The following GABRG3 variants were observed in gnomAD, a reference collection of about 807,000 sequenced individuals.
GABRG3 encodes the protein gamma-aminobutyric acid receptor subunit gamma-3.
Under a neutral mutation model 48.8 loss-of-function variants are expected in GABRG3, and 25 were observed. The ratio of observed to expected loss-of-function variants is 0.51; its 90% CI spans 0.37 to 0.72. The LOEUF is 0.72. Among genes scored for constraint, GABRG3 ranks in the 30% least tolerant of loss-of-function variants. GABRG3 has a pLI of 0.00. For synonymous variants in GABRG3, 227 were observed against 217.6 expected (o/e 1.04, Z -0.38); for missense variants, 394 against 577.9 (o/e 0.68, Z 3.26).
chr15:27,308,026 C>T (rs1416642585), intron 3 of GABRG3, among the ~76,000 whole-genome samples: 5 of 135,456 alleles, frequency 3.7e-5, no homozygotes, highest in Admixed American at 2.3e-4. Flanking sequence ...ATAAAATAAA[C>T]ATGTTTATAT....
chr15:27,197,976 T>G (rs71465218), intron 3 of GABRG3, among the ~76,000 whole-genome samples: 1 of 152,214 alleles, frequency 6.6e-6, no homozygotes, highest in East Asian at 1.9e-4. Context: ...ATTTTTCTTG[T>G]GTCTGATTCT....
rs193288077 is a variant in GABRG3, at chr15:27,308,471, A to G, written c.271-18338A>G. On this transcript the variant is annotated intron_variant, in intron 3 of 9. Coordinates refer to ENST00000615808, the MANE Select transcript of GABRG3 (RefSeq NM_033223.5). ...CATATGCAAACATACATGTTTATAT[A>G]TAAACATATAATGTAAACATACATG... 2.0e-5 allele frequency among the ~76,000 whole-genome samples: 3 copies of G among 147,902 alleles called. No homozygotes were observed. In the East Asian group the frequency reaches 6.3e-4, roughly 31 times the overall value.
intron 3 of GABRG3, among the ~76,000 whole-genome samples, chr15:27,130,866 C>A (rs1897904296): frequency 6.6e-6 from 1 of 152,000 alleles, no homozygotes; most frequent in Non-Finnish European, 1.5e-5. Flanking sequence ...ACTTTGTATA[C>A]TGTCCTGTAA....
At chr15:27,049,506 G>A (rs925911096) in intron 3 of GABRG3, among the ~76,000 whole-genome samples, 1 of 152,130 alleles carries the variant, frequency 6.6e-6, no homozygotes, top group Non-Finnish European at 1.5e-5. Context: ...CCTGAGCTGA[G>A]GACCGACCAT....
intron 3 of GABRG3, among the ~76,000 whole-genome samples, chr15:27,107,510 GT>G (rs1446562360): frequency 6.6e-6 from 1 of 151,750 alleles, no homozygotes; most frequent in Non-Finnish European, 1.5e-5. Context: ...TTTTTGTAGT[GT>G]TTTTATTTAT....
intron 3 of GABRG3, among the ~76,000 whole-genome samples, chr15:27,142,647 T>C (rs976271305): frequency 6.6e-6 from 1 of 152,228 alleles, no homozygotes; most frequent in Non-Finnish European, 1.5e-5. Context: ...TGCATGACTT[T>C]TCCCCTTGGT....
rs1465467384 is a variant in GABRG3 at position 27,533,073 on chromosome 15, T to C, written c.*192T>C. The stretch of plus-strand genomic sequence containing the variant: ...TATGTATTTTACACACACACATACA[T>C]ACACACACACAGCTAATTGAGTTTT... On this transcript the variant is annotated 3_prime_UTR_variant, in exon 10 of 10. Transcript: ENST00000615808. The C allele has an allele frequency of 1.8e-5, 10 of 566,840 alleles. No homozygotes were observed. Among genetic ancestry groups the C allele is most frequent in the African/African-American group, 9.4e-5 (5 of 53,324 alleles). 35.1% of individuals were successfully genotyped at this position (566,840 alleles called of 1,614,324 possible). A position where few individuals can be genotyped will look rare whatever the true frequency, so the allele number is the denominator to read the frequency against.
At chr15:27,089,149 T>A (rs1342787102) in intron 3 of GABRG3, among the ~76,000 whole-genome samples, 1 of 152,052 alleles carries the variant, frequency 6.6e-6, no homozygotes, top group Non-Finnish European at 1.5e-5. Flanking sequence ...GGACCAGACT[T>A]GTGGGTGCAA....
At chr15:27,230,932 A>G (rs140539495) in intron 3 of GABRG3, among the ~76,000 whole-genome samples, 438 of 151,908 alleles carry the variant, frequency 2.9e-3, no homozygotes, top group Non-Finnish European at 4.8e-3. Flanking sequence ...AATCTGGGCT[A>G]TTGTTTGGTC....
chr15:27,308,200 T>G lies in GABRG3; in HGVS notation c.271-18609T>G, dbSNP rs1170559566. Among the ~76,000 whole-genome samples the G allele has an allele frequency of 5.5e-5, 3 of 54,250 alleles. 1 individual carries two copies. Among genetic ancestry groups the G allele is most frequent in the African/African-American group, 2.1e-4 (3 of 14,178 alleles). 35.6% of individuals were successfully genotyped at this position (54,250 alleles called of 152,430 possible). On this transcript the variant is annotated intron_variant, in intron 3 of 9. Coordinates refer to ENST00000615808, the MANE Select transcript of GABRG3 (RefSeq NM_033223.5). Reference sequence around the variant, plus strand: ...TATATCCAAACATATATAAACATGTTTATATATCCAAACATATATAAACAT... The same window carrying G: ...TATATCCAAACATATATAAACATGTGTATATATCCAAACATATATAAACAT...
chr15:27,189,392 C>T (rs1358195383), intron 3 of GABRG3, among the ~76,000 whole-genome samples: 3 of 152,168 alleles, frequency 2.0e-5, no homozygotes, highest in African/African-American at 7.2e-5. Context: ...TTTGTATCCT[C>T]TTTTATTTCA....
chr15:26,971,721 G>A (rs1595447723), intron 1 of GABRG3, 133 bp downstream of exon 1: 1 of 1,026,908 alleles, frequency 9.7e-7, no homozygotes, highest in Non-Finnish European at 1.3e-6. Context: ...GAGGGGACTG[G>A]GAAGTCGGTC....
At chr15:27,444,962 C>G (rs1013205286) in intron 5 of GABRG3, among the ~76,000 whole-genome samples, 3 of 152,146 alleles carry the variant, frequency 2.0e-5, no homozygotes, top group Admixed American at 2.0e-4. Flanking sequence ...ACCTCCACCT[C>G]CCAGGTTCAA....
chr15:27,428,742 A>C (rs78586525), intron 5 of GABRG3, among the ~76,000 whole-genome samples: 8,335 of 152,244 alleles, frequency 0.055, 292 homozygotes, highest in Middle Eastern at 0.11. Flanking sequence ...AGGCCTAGTT[A>C]ATTTTGCTAG....
chr15:27,296,978 A>G (rs1892014162), intron 3 of GABRG3, among the ~76,000 whole-genome samples: 1 of 152,006 alleles, frequency 6.6e-6, no homozygotes, highest in Admixed American at 6.6e-5. Context: ...CAGTGGGACA[A>G]GGTGTGGAGT....
chr15:27,070,685 G>T (rs552807856), intron 3 of GABRG3, among the ~76,000 whole-genome samples: 1 of 152,250 alleles, frequency 6.6e-6, no homozygotes, highest in African/African-American at 2.4e-5. Flanking sequence ...TTTCTTCTTG[G>T]CCCTGAGCAA....
intron 2 of GABRG3, among the ~76,000 whole-genome samples, chr15:26,980,850 A>AT (rs1895041586): frequency 6.6e-6 from 1 of 151,418 alleles, no homozygotes; most frequent in Non-Finnish European, 1.5e-5. Context: ...TTCCCTTGAG[A>AT]TTTTTTTCTT....
chr15:27,529,494 C>T (rs955594193), intron 9 of GABRG3, among the ~76,000 whole-genome samples: 1 of 152,112 alleles, frequency 6.6e-6, no homozygotes, highest in African/African-American at 2.4e-5. Context: ...TAATCAGGAC[C>T]TCATATGCAG....
chr15:27,233,410 C>G (rs1342806651), intron 3 of GABRG3, among the ~76,000 whole-genome samples: 1 of 152,118 alleles, frequency 6.6e-6, no homozygotes, highest in East Asian at 1.9e-4. Context: ...GGCTTGCAAG[C>G]AACAGACATT....
Sources: allele counts gnomAD v4.1 joint callset (sites outside exome capture counted in the v4.1 genomes callset), GRCh38; gene constraint gnomAD v4.1.1; transcripts MANE v1.5; gene names NCBI Gene and HGNC (gene_info 2026-07-23, HGNC 2026-07-21).